The following SH3PXD2B variants were observed in gnomAD, a reference collection of about 807,000 sequenced individuals.
The protein encoded by SH3PXD2B is SH3 and PX domains 2B.
SH3PXD2B carries 37 observed loss-of-function variants against 73.1 expected under a neutral mutation model. The ratio of observed to expected loss-of-function variants is 0.51; its 90% CI spans 0.39 to 0.67. The LOEUF is 0.67. Ranked by LOEUF, SH3PXD2B falls within the 30% of genes least tolerant of loss-of-function variation. The pLI is 0.00. For missense variants in SH3PXD2B, 1,053 were observed against 1,197.8 expected (o/e 0.88, Z 1.78); for synonymous variants, 457 against 480.5 (o/e 0.95, Z 0.64).
chr5:172,331,873 G>C (rs1290057255), downstream of SH3PXD2B, among the ~76,000 whole-genome samples: 2 of 152,216 alleles, frequency 1.3e-5, no homozygotes, highest in African/African-American at 4.8e-5. Context: ...TCGAGCCTGG[G>C]AGGTGGAGGT....
intron 4 of SH3PXD2B, among the ~76,000 whole-genome samples, chr5:172,390,534 C>A (rs1758157860): frequency 6.6e-6 from 1 of 152,116 alleles, no homozygotes. Context: ...CAGGCTCAAG[C>A]CACTGTGGCA....
At chr5:172,348,655 C>G (rs373639398) in intron 10 of SH3PXD2B, among the ~76,000 whole-genome samples, 377 of 32,018 alleles carry the variant, frequency 0.012, 7 homozygotes, top group African/African-American at 0.041. Flanking sequence ...TCTATCTATC[C>G]TATCTATCTA....
chr5:172,382,608 A>G (rs1341104721), intron 4 of SH3PXD2B, among the ~76,000 whole-genome samples: 2 of 152,172 alleles, frequency 1.3e-5, no homozygotes, highest in African/African-American at 4.8e-5. Context: ...CATATATTAT[A>G]GGCATATTTG....
rs199727236 is a variant in SH3PXD2B, at chr5:172,339,683, C to T, written c.1422G>A (p.Pro474=). ...GCAACCCCGAGTCCATGACACCATGCGGTGCGTCAGGCAGGGGCCGGGAGG... is the reference window on the plus strand; with the variant it reads ...GCAACCCCGAGTCCATGACACCATGTGGTGCGTCAGGCAGGGGCCGGGAGG... The part of the protein sequence containing the change: ...TGPSRPLPDA[P]HGVMDSGLPW... The change falls in exon 13 of 13, where the codon CCG becomes CCA. Residue 474 remains proline, a synonymous_variant. Coordinates refer to ENST00000311601, the MANE Select transcript of SH3PXD2B (RefSeq NM_001017995.3). The surrounding 1 kb of genome is among the most constrained non-coding windows in gnomAD (Gnocchi z 6.1). 4.0e-5 allele frequency: 65 copies of T among 1,614,222 alleles called. No individual in the cohort carries two copies. In the Admixed American group the frequency reaches 8.3e-4, roughly 21 times the overall value.
intron 12 of SH3PXD2B, among the ~76,000 whole-genome samples, chr5:172,345,687 G>C (rs139465846): frequency 6.6e-6 from 1 of 152,332 alleles, no homozygotes; most frequent in Non-Finnish European, 1.5e-5. Flanking sequence ...CAAACAGAGA[G>C]AGTGGGAAGA....
Position 172,337,448 on chromosome 5 carries a change from T to C in SH3PXD2B, c.*921A>G. The C allele has an allele frequency of 1.0e-6, 1 of 983,184 alleles. No homozygotes were observed. Among genetic ancestry groups the C allele is most frequent in the Non-Finnish European group, 1.2e-6 (1 of 827,946 alleles). 60.9% of individuals were successfully genotyped at this position (983,184 alleles called of 1,614,324 possible). ...CATCTATAAAGGGAGGTTGTGAGGG[T>C]CAAAGCATGAATGCAAAGCGCCAAG... On this transcript the variant is annotated 3_prime_UTR_variant, in exon 13 of 13. Transcript: ENST00000311601.
chr5:172,329,059 G>GTATATATATATA (rs1211712213), downstream of SH3PXD2B, among the ~76,000 whole-genome samples: 2 of 96,914 alleles, frequency 2.1e-5, no homozygotes, highest in African/African-American at 8.7e-5. Flanking sequence ...GTGTGTGTGT[G>GTATATATATATA]TATATATATA....
intron 1 of SH3PXD2B, among the ~76,000 whole-genome samples, chr5:172,437,506 C>T (rs1163720247): frequency 6.6e-6 from 1 of 152,088 alleles, no homozygotes; most frequent in Non-Finnish European, 1.5e-5. Context: ...AGATCCAATC[C>T]CAGCCCTGCC....
intron 5 of SH3PXD2B, among the ~76,000 whole-genome samples, chr5:172,381,480 C>A (rs1030100772): frequency 1.3e-5 from 2 of 152,142 alleles, no homozygotes; most frequent in African/African-American, 4.8e-5. Context: ...CACTGTGTGG[C>A]TGGGGCTGCT....
chr5:172,348,646 CTATCTATCCT>C (rs1757058332), intron 10 of SH3PXD2B, among the ~76,000 whole-genome samples: 1 of 61,338 alleles, frequency 1.6e-5, no homozygotes, highest in Non-Finnish European at 3.3e-5. Flanking sequence ...ATGTATCTAT[CTATCTATCCT>C]ATCTATCTAT....
chr5:172,411,924 T>C (rs1404462440), intron 2 of SH3PXD2B, among the ~76,000 whole-genome samples: 2 of 152,086 alleles, frequency 1.3e-5, no homozygotes, highest in African/African-American at 4.8e-5. Flanking sequence ...ACCATCCATC[T>C]CTGGAACCTC....
chr5:172,382,390 C>T (rs557777681), intron 4 of SH3PXD2B, among the ~76,000 whole-genome samples: 1 of 151,992 alleles, frequency 6.6e-6, no homozygotes, highest in Non-Finnish European at 1.5e-5. Context: ...TGCCATATAC[C>T]ACCAGTGGCT....
chr5:172,389,621 G>A (rs1442389159), intron 4 of SH3PXD2B, among the ~76,000 whole-genome samples: 3 of 150,238 alleles, frequency 2.0e-5, no homozygotes, highest in Admixed American at 6.6e-5. Flanking sequence ...AGCTACTCAG[G>A]AGGCTGAGGT....
At chr5:172,451,630 G>A (rs774921680) in intron 1 of SH3PXD2B, among the ~76,000 whole-genome samples, 10 of 152,210 alleles carry the variant, frequency 6.6e-5, no homozygotes, top group South Asian at 2.1e-4. Flanking sequence ...CAACCAGTCC[G>A]AGGTCACACA....
intron 2 of SH3PXD2B, among the ~76,000 whole-genome samples, chr5:172,406,622 A>T (rs1426191192): frequency 1.3e-5 from 2 of 152,210 alleles, no homozygotes; most frequent in East Asian, 3.9e-4. Context: ...TTCTCCATCC[A>T]CAGGATCTGA....
intron 1 of SH3PXD2B, among the ~76,000 whole-genome samples, chr5:172,453,656 C>T (rs1759852746): frequency 6.6e-6 from 1 of 152,218 alleles, no homozygotes; most frequent in Non-Finnish European, 1.5e-5. Flanking sequence ...GAGGGAGATG[C>T]CAGGAGAAAA....
chr5:172,339,354 T>G lies in SH3PXD2B; in HGVS notation c.1751A>C (p.Lys584Thr). The change falls in exon 13 of 13, where the codon AAA becomes ACA. Residue 584 changes from lysine to threonine, a missense_variant. Transcript: ENST00000311601. This position sits in a 1 kb window ranked among gnomAD's most constrained non-coding sequence, Gnocchi z 6.1. The part of the protein sequence containing the change: ...DSRRPEPKPD[K>T]SRLFQLKNDM... ...ATTTTTCAGCTGGAACAGTCTGCTT[T>G]TGTCAGGTTTGGGCTCTGGCCTCCT... 1 of 1,614,172 alleles carries G rather than the reference T, an allele frequency of 6.2e-7. No homozygotes were observed. Among genetic ancestry groups the G allele is most frequent in the South Asian group, 1.1e-5 (1 of 91,080 alleles).
intron 6 of SH3PXD2B, among the ~76,000 whole-genome samples, chr5:172,373,569 C>G (rs1581285386): frequency 6.9e-6 from 1 of 143,920 alleles, no homozygotes; most frequent in Admixed American, 7.2e-5. Context: ...GGGTATCAAC[C>G]AATCAATCAA....
chr5:172,368,590 A>T lies in SH3PXD2B; in HGVS notation c.427+5200T>A, dbSNP rs1163992320. On this transcript the variant is annotated intron_variant, in intron 6 of 12. Transcript: ENST00000311601. Reference sequence around the variant, plus strand: ...TAAAATATGTTATATATATATATAAAATATGTTATATATATAATATATATG... The same window carrying T: ...TAAAATATGTTATATATATATATAATATATGTTATATATATAATATATATG... 1.8e-3 allele frequency among the ~76,000 whole-genome samples: 21 copies of T among 11,742 alleles called. 1 individual carries two copies. The highest frequency in any genetic ancestry group is 9.4e-3 in the African/African-American group (14 of 1,496). 7.7% of individuals were successfully genotyped at this position (11,742 alleles called of 152,430 possible).
Sources: allele counts gnomAD v4.1 joint callset (sites outside exome capture counted in the v4.1 genomes callset), GRCh38; gene constraint gnomAD v4.1.1; non-coding constraint Gnocchi (gnomAD v3.1); transcripts MANE v1.5; gene names NCBI Gene and HGNC (gene_info 2026-07-23, HGNC 2026-07-21).